MYO9B: variants seen among roughly 807,000 people sequenced by gnomAD.
MYO9B encodes the protein myosin IXB.
A neutral mutation model predicts 229.5 loss-of-function variants in MYO9B; 71 were observed. The ratio of observed to expected loss-of-function variants is 0.31; its 90% confidence interval spans 0.26 to 0.38. MYO9B has a LOEUF of 0.38. Ranked by LOEUF, MYO9B falls within the 10% of genes least tolerant of loss-of-function variation. The probability of loss-of-function intolerance (pLI) is 1.00; values close to 1 mark genes in which losing one functional copy is unlikely to be tolerated. For missense variants in MYO9B, 2,255 were observed against 2,920.5 expected, an observed-to-expected ratio of 0.77 and a Z score of 5.25; for synonymous variants, 1,185 against 1,235.8, an observed-to-expected ratio of 0.96 and a Z score of 0.86.
chr19:17,196,240 A>G (rs2073041863), intron 22 of MYO9B, among the ~76,000 whole-genome samples: 2 of 151,098 alleles, frequency 1.3e-5, no homozygotes, highest in African/African-American at 4.9e-5. Context: ...ATGGATGGAA[A>G]ATGATAGAGG....
At chr19:17,145,625 AT>A in intron 3 of MYO9B, 134 bp downstream of exon 3, 1 of 800,218 alleles carries the variant, frequency 1.2e-6, no homozygotes, top group African/African-American at 1.7e-5. Flanking sequence ...AGCGAGTGTG[AT>A]TTTTAGGTCT....
chr19:17,087,930 C>CAAAA (rs60243402), intron 1 of MYO9B, among the ~76,000 whole-genome samples: 1 of 99,590 alleles, frequency 1.0e-5, no homozygotes, highest in African/African-American at 3.8e-5. Context: ...AACTCCGTCT[C>CAAAA]AAAAAAAAAA....
Position 17,202,455 on chromosome 19 carries a change from C to T in MYO9B, c.4836+152C>T, listed in dbSNP as rs547221392. On this transcript the variant is annotated intron_variant, in intron 28 of 39. Transcript: ENST00000682292. The stretch of plus-strand genomic sequence containing the variant: ...ACAGCCACTGTGCCATGACTTGATC[C>T]ACTTATGCCATGCTTACCTGTGCCT... Among the ~76,000 whole-genome samples the T allele has an allele frequency of 1.3e-3, 204 of 151,992 alleles. 1 individual carries two copies. The highest frequency in any genetic ancestry group is 2.8e-3 in the Admixed American group (42 of 15,260).
At chr19:17,078,617 T>TG (rs1248149110) in intron 1 of MYO9B, among the ~76,000 whole-genome samples, 3 of 151,980 alleles carry the variant, frequency 2.0e-5, no homozygotes, top group Non-Finnish European at 4.4e-5. Context: ...CAAGATATTA[T>TG]GGGGGGAGAA....
At chr19:17,188,787 A>C (rs992807543) in intron 19 of MYO9B, among the ~76,000 whole-genome samples, 6 of 152,028 alleles carry the variant, frequency 3.9e-5, no homozygotes, top group Non-Finnish European at 5.9e-5. Context: ...CCAATGCAGG[A>C]GGATCAATTG....
chr19:17,174,601 C>T (rs1454295470), intron 13 of MYO9B, among the ~76,000 whole-genome samples: 1 of 152,036 alleles, frequency 6.6e-6, no homozygotes, highest in Non-Finnish European at 1.5e-5. Context: ...CATGCCAGTG[C>T]ACTTCAGCCT....
chr19:17,206,518 TC>T, intron 33 of MYO9B, 142 bp downstream of exon 33: 1 of 1,386,754 alleles, frequency 7.2e-7, no homozygotes, highest in Non-Finnish European at 9.7e-7. Flanking sequence ...CCAAACCGGG[TC>T]CCCAGTTTGG....
chr19:17,076,779 C>T (rs1369599310), intron 1 of MYO9B, among the ~76,000 whole-genome samples: 1 of 152,150 alleles, frequency 6.6e-6, no homozygotes, highest in East Asian at 1.9e-4. Flanking sequence ...GTTGTGGGGC[C>T]GGAACTGTGT....
intron 14 of MYO9B, among the ~76,000 whole-genome samples, chr19:17,180,341 A>ATCTTTTTTTTTTTTTTTTTT (rs1555701612): frequency 1.1e-5 from 1 of 87,984 alleles, no homozygotes; most frequent in Non-Finnish European, 2.1e-5. Context: ...GATGGAAATA[A>ATCTTTTTTTTTTTTTTTTTT]TTTTTTTTTT....
chr19:17,077,513 C>T (rs1000406227), intron 1 of MYO9B, among the ~76,000 whole-genome samples: 6 of 152,156 alleles, frequency 3.9e-5, no homozygotes, highest in Admixed American at 3.3e-4. Context: ...CTTCTGATCC[C>T]GCAGCCCTGC....
intron 14 of MYO9B, among the ~76,000 whole-genome samples, chr19:17,176,991 G>A (rs1364745424): frequency 2.0e-5 from 3 of 152,036 alleles, no homozygotes; most frequent in South Asian, 2.1e-4. Context: ...ACTTGAGGTC[G>A]GGCGTTTGAG....
Position 17,197,788 on chromosome 19 carries a change from G to A in MYO9B, c.4047-4G>A, listed in dbSNP as rs759038402. ...GTAAAAGCCATGTTTCTGTGATCTC[G>A]CAGGGAGAGGCGCACCTCCTTCTCC... On this transcript the variant is annotated splice_polypyrimidine_tract_variant and splice_region_variant and intron_variant, in intron 22 of 39. Coordinates refer to ENST00000682292, the MANE Select transcript of MYO9B (RefSeq NM_004145.4). The A allele has an allele frequency of 6.8e-6, 11 of 1,613,740 alleles. No homozygotes were observed. The highest frequency in any genetic ancestry group is 1.1e-5 in the South Asian group (1 of 91,084).
At chr19:17,211,387 T>C (rs2073227057) in intron 38 of MYO9B, among the ~76,000 whole-genome samples, 1 of 152,054 alleles carries the variant, frequency 6.6e-6, no homozygotes, top group African/African-American at 2.4e-5. Flanking sequence ...TCCTCCCACC[T>C]CAGCCTCCCC....
At position 17,137,685 on chromosome 19, in the gene MYO9B, C is replaced by G. The variant is rs1012204650; in HGVS notation, c.841-7712C>G. On this transcript the variant is annotated intron_variant, in intron 2 of 39. Transcript: ENST00000682292. ...AACTGTCCGGGCTTCAAGCTCTGCC[C>G]GAGGCTTTGCAGCTGAATGGAGCCT... Among the ~76,000 whole-genome samples, 4 of 152,274 alleles carry G rather than the reference C, an allele frequency of 2.6e-5. No individual in the cohort carries two copies. The South Asian group carries it at 8.3e-4, about 32-fold the overall frequency.
At chr19:17,116,500 T>C (rs6512169) in intron 2 of MYO9B, among the ~76,000 whole-genome samples, 152,202 of 152,260 alleles carry the variant, frequency 1, 76,072 homozygotes, top group Non-Finnish European at 1. Flanking sequence ...AATTATGGCA[T>C]GAGGACAGGC....
chr19:17,089,518 C>T (rs80073962), intron 1 of MYO9B, among the ~76,000 whole-genome samples: 191 of 152,314 alleles, frequency 1.3e-3, no homozygotes, highest in Non-Finnish European at 2.3e-3. Flanking sequence ...CCGAATCCTC[C>T]GCCAAACTGG....
chr19:17,082,995 C>T (rs1307370950), intron 1 of MYO9B, among the ~76,000 whole-genome samples: 2 of 150,906 alleles, frequency 1.3e-5, no homozygotes, highest in Admixed American at 1.3e-4. Context: ...GCCCGTGGGT[C>T]CTCGAGGAGG....
At chr19:17,162,507 G>C in intron 9 of MYO9B, 41 bp downstream of exon 9, 1 of 1,498,780 alleles carries the variant, frequency 6.7e-7, no homozygotes, top group Non-Finnish European at 9.0e-7. Flanking sequence ...GGCCAGGGGA[G>C]GCCACATCCT....
Position 17,180,922 on chromosome 19 carries a change from C to T in MYO9B, c.2220-5C>T. 6.2e-7 allele frequency: 1 copy of T among 1,602,818 alleles called. No homozygotes were observed. The highest frequency in any genetic ancestry group is 8.5e-7 in the Non-Finnish European group (1 of 1,173,470). On this transcript the variant is annotated splice_region_variant and splice_polypyrimidine_tract_variant and intron_variant, in intron 14 of 39. Transcript: ENST00000682292. ...TCACTGCGCCCCCTCCACCCCTCCC[C>T]TCAGCGATTTGCATAACCAAATGAT...
Sources: allele counts gnomAD v4.1 joint callset (sites outside exome capture counted in the v4.1 genomes callset), GRCh38; gene constraint gnomAD v4.1.1; transcripts MANE v1.5; gene names NCBI Gene and HGNC (gene_info 2026-07-23, HGNC 2026-07-21).